Variants in SESTD1 observed in about 807,000 individuals in gnomAD.
The protein encoded by SESTD1 is SEC14 and spectrin domain containing 1, also known as SEC14 domain and spectrin repeat-containing protein 1.
A neutral mutation model predicts 101.7 loss-of-function variants in SESTD1; 43 were observed. That is an observed-to-expected ratio of 0.42 (90% CI 0.33 to 0.55). The LOEUF is 0.55. SESTD1 is among the 20% of genes least tolerant of loss of function. The probability of loss-of-function intolerance (pLI) is 0.07; values close to 1 mark genes in which losing one functional copy is unlikely to be tolerated. For missense variants in SESTD1, 647 were observed against 815.1 expected (o/e 0.79, Z 2.51); for synonymous variants, 283 against 286.8 (o/e 0.99, Z 0.13).
intron 5 of SESTD1, among the ~76,000 whole-genome samples, chr2:179,167,799 G>C (rs1341030639): frequency 1.3e-5 from 2 of 151,954 alleles, no homozygotes; most frequent in Non-Finnish European, 2.9e-5. Flanking sequence ...GTCTCACTCT[G>C]TTGCCCAGGC....
At chr2:179,248,388 A>G (rs1042164515) in intron 1 of SESTD1, among the ~76,000 whole-genome samples, 2 of 152,232 alleles carry the variant, frequency 1.3e-5, no homozygotes, top group Non-Finnish European at 2.9e-5. Flanking sequence ...GATACAGAAG[A>G]GGAGGAAACA....
chr2:179,147,080 C>T (rs1331035686), intron 7 of SESTD1, among the ~76,000 whole-genome samples: 1 of 151,852 alleles, frequency 6.6e-6, no homozygotes, highest in Non-Finnish European at 1.5e-5. Flanking sequence ...ACTGACTGGT[C>T]TCATGCTAAA....
chr2:179,211,961 C>T (rs772600696), intron 1 of SESTD1, among the ~76,000 whole-genome samples: 4 of 134,002 alleles, frequency 3.0e-5, no homozygotes, highest in Non-Finnish European at 6.4e-5. Flanking sequence ...CACTGAAGAA[C>T]GTATTCATGT....
chr2:179,206,764 G>A lies in SESTD1; in HGVS notation c.-25-14898C>T, dbSNP rs750384623. ...GGGCAGGCAGGGAGGTGAGAGACCTGAGAGCCCTGCTTGTTTTCTCAATGT... is the reference window on the plus strand; with the variant it reads ...GGGCAGGCAGGGAGGTGAGAGACCTAAGAGCCCTGCTTGTTTTCTCAATGT... On this transcript the variant is annotated intron_variant, in intron 1 of 17. Coordinates refer to ENST00000428443, the MANE Select transcript of SESTD1 (RefSeq NM_178123.5). Among the ~76,000 whole-genome samples the A allele has an allele frequency of 3.0e-4, 40 of 134,486 alleles. 7 individuals are homozygous for A. Among genetic ancestry groups the A allele is most frequent in the Non-Finnish European group, 5.1e-4 (32 of 62,594 alleles). 88.2% of individuals were successfully genotyped at this position (134,486 alleles called of 152,430 possible). A position where few individuals can be genotyped will look rare whatever the true frequency, so the allele number is the denominator to read the frequency against.
In SESTD1 at chr2:179,145,427, C is replaced by A. The variant is rs114603145; in HGVS notation, c.637+975G>T. ...TGGAATGACAATAGTATCTATTTCACAGGACTGAAATGAGTTAACATATGT... is the reference window on the plus strand; with the variant it reads ...TGGAATGACAATAGTATCTATTTCAAAGGACTGAAATGAGTTAACATATGT... On this transcript the variant is annotated intron_variant, in intron 8 of 17. Coordinates refer to ENST00000428443, the MANE Select transcript of SESTD1 (RefSeq NM_178123.5). Among the ~76,000 whole-genome samples the A allele has an allele frequency of 6.0e-3, 913 of 152,164 alleles. 6 individuals are homozygous for A. The highest frequency in any genetic ancestry group is 0.021 in the African/African-American group (881 of 41,504).
intron 1 of SESTD1, among the ~76,000 whole-genome samples, chr2:179,199,549 A>C (rs1254549845): frequency 6.6e-6 from 1 of 152,224 alleles, no homozygotes; most frequent in Non-Finnish European, 1.5e-5. Flanking sequence ...TGATGCAAAA[A>C]TCCTCAATAA....
chr2:179,132,116 C>G (rs1245024289), intron 10 of SESTD1, 188 bp downstream of exon 10: 2 of 578,700 alleles, frequency 3.5e-6, no homozygotes, highest in Non-Finnish European at 5.4e-6. Context: ...GAGACAAAAC[C>G]AAAAACAACC....
intron 1 of SESTD1, among the ~76,000 whole-genome samples, chr2:179,194,948 A>C (rs2046368068): frequency 6.6e-6 from 1 of 152,226 alleles, no homozygotes; most frequent in Non-Finnish European, 1.5e-5. Flanking sequence ...CTACTTTCCC[A>C]ACATTGCTGG....
chr2:179,116,895 T>A (rs1335903324), intron 14 of SESTD1, 105 bp from the exon 15 acceptor site: 1 of 1,416,896 alleles, frequency 7.1e-7, no homozygotes, highest in African/African-American at 1.4e-5. Context: ...ATAAATCCGT[T>A]AATTATAACC....
At position 179,124,301 on chromosome 2, in the gene SESTD1, A is replaced by G. The variant is rs1033796841; in HGVS notation, c.1167+63T>C. On this transcript the variant is annotated intron_variant, in intron 11 of 17. Coordinates refer to ENST00000428443, the MANE Select transcript of SESTD1 (RefSeq NM_178123.5). ...TAGGAGGCATGCAAACCTGAAAAAA[A>G]TTACGTGTAGGTAAGTGTTCAGATA... 19 of 1,484,610 alleles carry G rather than the reference A, an allele frequency of 1.3e-5. No individual in the cohort carries two copies. In the Admixed American group the frequency reaches 4.0e-4, roughly 31 times the overall value. The allele number at this position is 1,484,610 out of a possible 1,614,324, so 92.0% of individuals were successfully genotyped here.
At chr2:179,246,769 G>A (rs1311042651) in intron 1 of SESTD1, among the ~76,000 whole-genome samples, 2 of 152,098 alleles carry the variant, frequency 1.3e-5, no homozygotes, top group African/African-American at 4.8e-5. Context: ...GACCAATATG[G>A]ACTCAAACTA....
intron 5 of SESTD1, among the ~76,000 whole-genome samples, chr2:179,158,969 A>G (rs1242518497): frequency 6.6e-6 from 1 of 152,210 alleles, no homozygotes; most frequent in Non-Finnish European, 1.5e-5. Flanking sequence ...TTCCACTGCA[A>G]TAATCTCATT....
chr2:179,252,724 T>C (rs941373667), intron 1 of SESTD1, among the ~76,000 whole-genome samples: 2 of 152,200 alleles, frequency 1.3e-5, no homozygotes, highest in Non-Finnish European at 2.9e-5. Flanking sequence ...ATTGTTTTAG[T>C]ACAGATACCA....
chr2:179,137,411 A>C (rs1178639469), intron 9 of SESTD1, among the ~76,000 whole-genome samples: 1 of 152,192 alleles, frequency 6.6e-6, no homozygotes, highest in African/African-American at 2.4e-5. Context: ...AACTGAGAAT[A>C]CAGCCTCCAG....
At position 179,213,298 on chromosome 2, in the gene SESTD1, C is replaced by A. The variant is rs1480679354; in HGVS notation, c.-25-21432G>T. ...ATTAGAATAAACAGTATAGAGAAGA[C>A]CTTAAGTGACCTGATGGAGCTGAAA... On this transcript the variant is annotated intron_variant, in intron 1 of 17. Transcript: ENST00000428443. Among the ~76,000 whole-genome samples, 4 of 134,530 alleles carry A rather than the reference C, an allele frequency of 3.0e-5. 1 individual carries two copies. The highest frequency in any genetic ancestry group is 7.2e-5 in the Admixed American group (1 of 13,852). The allele number at this position is 134,530 out of a possible 152,430, so 88.3% of individuals were successfully genotyped here.
Position 179,264,768 on chromosome 2 carries a change from G to T in SESTD1, c.-295C>A, listed in dbSNP as rs1348126158. On this transcript the variant is annotated 5_prime_UTR_variant, in exon 1 of 18. Coordinates refer to ENST00000428443, the MANE Select transcript of SESTD1 (RefSeq NM_178123.5). The stretch of plus-strand genomic sequence containing the variant: ...GGCACCCGCGGCCCGAGCCGCGTCC[G>T]CGCGACCCCGCGCGCGCCCGGGTGA... 6.6e-6 allele frequency: 1 copy of T among 151,628 alleles called. No individual in the cohort carries two copies. Among genetic ancestry groups the T allele is most frequent in the Non-Finnish European group, 1.5e-5 (1 of 67,672 alleles). 9.4% of individuals were successfully genotyped at this position (151,628 alleles called of 1,614,324 possible).
chr2:179,118,492 C>A (rs1013712199), intron 13 of SESTD1, among the ~76,000 whole-genome samples: 1 of 152,044 alleles, frequency 6.6e-6, no homozygotes, highest in Admixed American at 6.5e-5. Context: ...CTGTGCTCTA[C>A]TATACTTGAT....
chr2:179,173,038 T>A (rs1258000067), intron 4 of SESTD1, among the ~76,000 whole-genome samples: 1 of 152,188 alleles, frequency 6.6e-6, no homozygotes, highest in African/African-American at 2.4e-5. Context: ...CCTGTTGGCC[T>A]CTCAGATCTC....
At chr2:179,211,437 A>G (rs1225117797) in intron 1 of SESTD1, among the ~76,000 whole-genome samples, 1 of 134,386 alleles carries the variant, frequency 7.4e-6, no homozygotes, top group East Asian at 2.0e-4. Flanking sequence ...AGTTACCAAA[A>G]CCGCAGGGAA....
Sources: gnomAD v4.1 joint callset for allele counts (sites outside exome capture counted in the v4.1 genomes callset) on GRCh38, gnomAD v4.1.1 for gene constraint, MANE v1.5 for transcripts, NCBI Gene and HGNC (gene_info 2026-07-23, HGNC 2026-07-21) for gene names.